Variants in PTPRC observed in about 807,000 individuals in gnomAD.
PTPRC encodes receptor-type tyrosine-protein phosphatase C.
In PTPRC, 44 loss-of-function variants were observed where a neutral mutation model predicts 155.9. That is an observed-to-expected ratio of 0.28 (90% confidence interval 0.22 to 0.36). The LOEUF (loss-of-function observed/expected upper bound fraction) is 0.36. Among genes scored for constraint, PTPRC ranks in the 10% least tolerant of loss-of-function variants. The pLI, the probability that PTPRC is intolerant of heterozygous loss-of-function variation, is 1.00. For missense variants in PTPRC, 1,401 were observed against 1,564.6 expected (o/e 0.90, Z 1.76); for synonymous variants, 525 against 533.1 (o/e 0.98, Z 0.21).
chr1:198,701,405 T>C (rs1190205640), intron 5 of PTPRC, among the ~76,000 whole-genome samples: 1 of 152,208 alleles, frequency 6.6e-6, no homozygotes, highest in African/African-American at 2.4e-5. Flanking sequence ...TCTCACATCA[T>C]TGAACTGATG....
At chr1:198,694,500 T>A in intron 3 of PTPRC, 1 of 1,001,038 alleles carries the variant, frequency 1.0e-6, no homozygotes. Flanking sequence ...TGCATGATTT[T>A]CCTTCTAGTC....
At position 198,699,604 on chromosome 1, in the gene PTPRC, A is replaced by G. The variant is rs1225876119; in HGVS notation, c.339A>G (p.Ala113=). The change falls in exon 5 of 33, where the codon GCA becomes GCG. Residue 113 remains alanine, a synonymous_variant. Transcript: ENST00000442510. Reference sequence around the variant, plus strand: ...AGACGCCTCACCTTCCCACGCACGCAGACTCGCAGACGCCCTCTGCTGGAA... The same window carrying G: ...AGACGCCTCACCTTCCCACGCACGCGGACTCGCAGACGCCCTCTGCTGGAA... ...SVQTPHLPTH[A]DSQTPSAGTD... 1.1e-5 allele frequency: 18 copies of G among 1,614,078 alleles called. No individual in the cohort carries two copies. The Admixed American group carries it at 2.8e-4, about 25-fold the overall frequency.
intron 2 of PTPRC, among the ~76,000 whole-genome samples, chr1:198,671,793 A>G (rs1268297832): frequency 1.3e-5 from 2 of 152,164 alleles, no homozygotes; most frequent in Non-Finnish European, 2.9e-5. Flanking sequence ...CCTAGGACAT[A>G]TTCTCCTTTT....
At chr1:198,717,931 A>T (rs1337768010) in intron 13 of PTPRC, among the ~76,000 whole-genome samples, 163 bp from the exon 14 acceptor site, 1 of 152,160 alleles carries the variant, frequency 6.6e-6, no homozygotes, top group Non-Finnish European at 1.5e-5. Flanking sequence ...TTTATTCTTC[A>T]GGGTTTTGAT....
chr1:198,639,453 G>C, intron 2 of PTPRC, 112 bp downstream of exon 2: 1 of 793,594 alleles, frequency 1.3e-6, no homozygotes, highest in Non-Finnish European at 2.0e-6. Flanking sequence ...TGAGAAGCCT[G>C]CTGTAAACCA....
chr1:198,731,466 A>G (rs1654384074), intron 17 of PTPRC, 151 bp from the exon 18 acceptor site: 3 of 640,640 alleles, frequency 4.7e-6, no homozygotes, highest in Non-Finnish European at 8.5e-6. Flanking sequence ...TTTATAGGTA[A>G]ATGTTTGTAT....
At chr1:198,676,697 G>A (rs1664974830) in intron 2 of PTPRC, among the ~76,000 whole-genome samples, 4 of 152,226 alleles carry the variant, frequency 2.6e-5, no homozygotes, top group African/African-American at 2.4e-5. Context: ...CCTTGCTTTT[G>A]ATAACATTTC....
chr1:198,756,334 ATT>A lies in PTPRC; in HGVS notation c.*155_*156del. The A allele has an allele frequency of 9.7e-7, 1 of 1,028,464 alleles. No homozygotes were observed. The highest frequency in any genetic ancestry group is 1.4e-6 in the Non-Finnish European group (1 of 712,054). 63.7% of individuals were successfully genotyped at this position (1,028,464 alleles called of 1,614,324 possible). On this transcript the variant is annotated 3_prime_UTR_variant, in exon 33 of 33. Coordinates refer to ENST00000442510, the MANE Select transcript of PTPRC (RefSeq NM_002838.5). The stretch of plus-strand genomic sequence containing the variant: ...TTATATTTTACTACTGTGGAAAAAT[ATT>A]TAAGATAGTTTTGCCAGAACAGTTT...
At chr1:198,695,641 G>T (rs1666167823) in intron 3 of PTPRC, among the ~76,000 whole-genome samples, 2 of 152,068 alleles carry the variant, frequency 1.3e-5, no homozygotes, top group South Asian at 4.1e-4. Flanking sequence ...CATGTCAACT[G>T]TGCATAAACT....
intron 8 of PTPRC, among the ~76,000 whole-genome samples, chr1:198,705,422 T>C (rs961661081): frequency 6.6e-6 from 1 of 150,880 alleles, no homozygotes; most frequent in African/African-American, 2.4e-5. Context: ...CATTCGTTAG[T>C]TCTTTCTTTC....
intron 11 of PTPRC, among the ~76,000 whole-genome samples, chr1:198,710,410 T>C (rs1384678702): frequency 6.6e-6 from 1 of 152,190 alleles, no homozygotes; most frequent in African/African-American, 2.4e-5. Flanking sequence ...GTTTAGAATA[T>C]CTAAGGGAAC....
intron 23 of PTPRC, among the ~76,000 whole-genome samples, chr1:198,737,785 T>A (rs1654717287): frequency 6.6e-6 from 1 of 151,822 alleles, no homozygotes; most frequent in Admixed American, 6.6e-5. Flanking sequence ...AGTCTTTCAA[T>A]TCATGAACAT....
At chr1:198,677,199 C>T (rs192749941) in intron 2 of PTPRC, among the ~76,000 whole-genome samples, 1 of 152,320 alleles carries the variant, frequency 6.6e-6, no homozygotes, top group African/African-American at 2.4e-5. Context: ...TACATAGCCT[C>T]ATCTCCAACC....
intron 23 of PTPRC, among the ~76,000 whole-genome samples, chr1:198,738,393 A>G (rs755469226): frequency 2.6e-5 from 4 of 151,868 alleles, no homozygotes; most frequent in Admixed American, 6.6e-5. Context: ...ATTTTTCAGC[A>G]TCAATTGAAA....
chr1:198,693,009 T>C (rs1418866516), intron 3 of PTPRC: 1 of 949,342 alleles, frequency 1.1e-6, no homozygotes, highest in African/African-American at 1.8e-5. Flanking sequence ...ATCACATCAC[T>C]TAACTGATGT....
At chr1:198,724,929 GT>G (rs1360357223) in intron 15 of PTPRC, among the ~76,000 whole-genome samples, 3 of 152,046 alleles carry the variant, frequency 2.0e-5, no homozygotes, top group African/African-American at 7.2e-5. Context: ...AGCTTCCTGA[GT>G]AGCTGGGATT....
At chr1:198,729,595 T>A (rs1032463537) in intron 17 of PTPRC, among the ~76,000 whole-genome samples, 27 of 152,260 alleles carry the variant, frequency 1.8e-4, no homozygotes, top group Middle Eastern at 3.4e-3. Context: ...GGACTTTTGT[T>A]GATACAGTGA....
intron 2 of PTPRC, among the ~76,000 whole-genome samples, chr1:198,642,286 G>A (rs993141882): frequency 6.6e-6 from 1 of 151,864 alleles, no homozygotes; most frequent in African/African-American, 2.4e-5. Flanking sequence ...TCATATACTT[G>A]AACATATATT....
intron 2 of PTPRC, among the ~76,000 whole-genome samples, chr1:198,681,415 A>G (rs1665319448): frequency 6.6e-6 from 1 of 152,226 alleles, no homozygotes; most frequent in South Asian, 2.1e-4. Context: ...TTAAGGAGCC[A>G]TTCAACTTAC....
Sources: allele counts gnomAD v4.1 joint callset (sites outside exome capture counted in the v4.1 genomes callset), GRCh38; gene constraint gnomAD v4.1.1; transcripts MANE v1.5; gene names NCBI Gene and HGNC (gene_info 2026-07-23, HGNC 2026-07-21).